Variants in TTN observed in about 807,000 individuals in gnomAD.
TTN encodes the protein connectin.
A neutral mutation model predicts 3,223.0 loss-of-function variants in TTN; 1,525 were observed. The ratio of observed to expected loss-of-function variants is 0.47; its 90% confidence interval spans 0.45 to 0.49. The LOEUF is 0.49. Among genes scored for constraint, TTN ranks in the 20% least tolerant of loss-of-function variants. The pLI is 0.00. For synonymous variants in TTN, 14,094 were observed against 15,161.0 expected (o/e 0.93, Z 5.17); for missense variants, 40,786 against 43,424.0 (o/e 0.94, Z 5.40).
intron 238 of TTN, 124 bp downstream of exon 238, chr2:178,630,680 C>T: frequency 7.1e-7 from 1 of 1,405,450 alleles, no homozygotes; most frequent in Non-Finnish European, 9.7e-7. Flanking sequence ...CTCTCTTTGG[C>T]TTAGGGTCTG....
intron 94 of TTN, 25 bp downstream of exon 94, chr2:178,712,672 A>C (rs1200560980): frequency 6.2e-7 from 1 of 1,608,462 alleles, no homozygotes; most frequent in East Asian, 2.2e-5. Context: ...TAATCGTATA[A>C]ATCTAGAAGA....
chr2:178,580,699 A>G, intron 316 of TTN, 90 bp from the exon 317 acceptor site: 1 of 1,237,712 alleles, frequency 8.1e-7, no homozygotes. Context: ...AAATACATTT[A>G]TTTTCTAGAG....
rs763821900 is a variant in TTN, at chr2:178,720,511, T to C, written c.23251A>G (p.Thr7751Ala). 5 of 1,613,552 alleles carry C rather than the reference T, an allele frequency of 3.1e-6. No homozygotes were observed. Among genetic ancestry groups the C allele is most frequent in the East Asian group, 4.5e-5 (2 of 44,860 alleles). Residue 7751 changes from threonine to alanine, a missense_variant, in exon 80 of 363, where the codon ACT (threonine) becomes GCT (alanine). Thr to Ala is a moderately conservative substitution (Grantham distance 58). Transcript: ENST00000589042. ...AGACTTGTATCAAAATGTTTTGAAG[T>C]GATTTTAAATTTCTTGCTGTTTCTA... ...QVRNSKKFKITSKHFDTSLHI... is the reference protein window; with the variant it reads ...QVRNSKKFKIASKHFDTSLHI...
rs2052542764 is a variant in TTN, at chr2:178,598,948, A to G, written c.56762T>C (p.Leu18921Pro). The G allele has an allele frequency of 1.9e-6, 3 of 1,612,720 alleles. No homozygotes were observed. The highest frequency in any genetic ancestry group is 2.5e-6 in the Non-Finnish European group (3 of 1,179,476). The change falls in exon 291 of 363, where the codon CTG (leucine) becomes CCG (proline). Residue 18921 changes from leucine to proline, a missense_variant. Coordinates refer to ENST00000589042, the MANE Select transcript of TTN (RefSeq NM_001267550.2). ...CTTTGAAGTGGTGTCTTTCATTTCC[A>G]GCCAGTACCCTGTCACAGGAGAGCC... ...DGGSPVTGYW[L>P]EMKDTTSKRW...
Position 178,614,516 on chromosome 2 carries a change from G to A in TTN, c.48998C>T (p.Ala16333Val). ...AGTGGCCCGGCCACACACATTCACA[G>A]CCTCAATGATATATGTGCCAGTGTC... ...RSDTGTYIIE[A>V]VNVCGRATAV... is the part of the protein sequence containing the mutation. Residue 16333 changes from alanine (A) to valine (V), a missense_variant, in exon 261 of 363, where the codon GCT (alanine) becomes GTT (valine). Physicochemically the swap from Ala to Val is moderately conservative, Grantham distance 64 (BLOSUM62 0). Coordinates refer to ENST00000589042, the MANE Select transcript of TTN (RefSeq NM_001267550.2). The A allele has an allele frequency of 1.2e-6, 2 of 1,612,088 alleles. No homozygotes were observed. Among genetic ancestry groups the A allele is most frequent in the Non-Finnish European group, 1.7e-6 (2 of 1,179,038 alleles).
In TTN at chr2:178,724,521, C is replaced by T; in HGVS notation, c.20854G>A (p.Glu6952Lys). Residue 6952 changes from glutamate to lysine, a missense_variant, in exon 72 of 363, where the codon GAG becomes AAG. By Grantham distance (56) the Glu-to-Lys change is moderately conservative. Coordinates refer to ENST00000589042, the MANE Select transcript of TTN (RefSeq NM_001267550.2). ...LMVLEPAVIV[E>K]KAGPMTVTVG... ...GTCACCGTCATCGGTCCTGCCTTCT[C>T]AACAATGACTGCGGGCTCTGAAATA... 2 of 1,596,048 alleles carry T rather than the reference C, an allele frequency of 1.3e-6. No homozygotes were observed. Among genetic ancestry groups the T allele is most frequent in the Non-Finnish European group, 1.7e-6 (2 of 1,168,168 alleles).
chr2:178,544,573 T>C (rs376826940), intron 344 of TTN, 67 bp from the exon 345 acceptor site: 3 of 1,414,108 alleles, frequency 2.1e-6, no homozygotes, highest in African/African-American at 2.8e-5. Context: ...TTGTATTTTT[T>C]GTTTTCAAGA....
At position 178,684,747 on chromosome 2, in the gene TTN, G is replaced by A. The variant is rs201738153; in HGVS notation, c.32557C>T (p.Pro10853Ser). ...KKEKVPPPKV[P>S]EEPKKPVPEK... ...GGAACTGGTTTCTTTGGCTCTTCTG[G>A]CACTTAAAAGATACCAGGCAATACC... is the stretch of plus-strand genomic sequence containing the variant. The change falls in exon 131 of 363, where the codon CCA becomes TCA. Residue 10853 changes from proline (P) to serine (S), a missense_variant and splice_region_variant. Pro to Ser is a moderately conservative substitution (Grantham distance 74, BLOSUM62 -1). Coordinates refer to ENST00000589042, the MANE Select transcript of TTN (RefSeq NM_001267550.2). 2.3e-4 allele frequency: 375 copies of A among 1,613,126 alleles called. No individual in the cohort carries two copies. Among genetic ancestry groups the A allele is most frequent in the Middle Eastern group, 2.3e-3 (14 of 6,060 alleles).
chr2:178,783,134 A>G, intron 17 of TTN, 70 bp from the exon 18 acceptor site: 6 of 1,575,202 alleles, frequency 3.8e-6, no homozygotes, highest in Non-Finnish European at 8.7e-7. Context: ...TTTGTAACAA[A>G]TGTAGAGTTT....
rs753817117 is a variant in TTN at position 178,653,060 on chromosome 2, A to G, written c.38856T>C (p.Pro12952=). 6.2e-7 allele frequency: 1 copy of G among 1,613,248 alleles called. No homozygotes were observed. The highest frequency in any genetic ancestry group is 8.5e-7 in the Non-Finnish European group (1 of 1,179,560). The change falls in exon 199 of 363, where the codon CCT becomes CCC. Residue 12952 remains proline, a synonymous_variant. Coordinates refer to ENST00000589042, the MANE Select transcript of TTN (RefSeq NM_001267550.2). Reference sequence around the variant, plus strand: ...AAATACCTTTAACAGGTGGGACTTCAGGTTTTTTAGGAGGAGTCACTGGCA... The same window carrying G: ...AAATACCTTTAACAGGTGGGACTTCGGGTTTTTTAGGAGGAGTCACTGGCA... ...KKVPVTPPKK[P]EVPPVKVPEA...
intron 218 of TTN, among the ~76,000 whole-genome samples, chr2:178,643,201 T>A (rs895237429): frequency 6.6e-6 from 1 of 152,050 alleles, no homozygotes; most frequent in African/African-American, 2.4e-5. Context: ...ATTAGGAATC[T>A]GAATTTTTAG....
chr2:178,796,332 G>T (rs1427633435), intron 6 of TTN, among the ~76,000 whole-genome samples: 1 of 151,984 alleles, frequency 6.6e-6, no homozygotes, highest in Non-Finnish European at 1.5e-5. Flanking sequence ...AATGCATCTT[G>T]TCACTATCTA....
Position 178,684,190 on chromosome 2 carries a change from C to A in TTN, c.32723-108G>T, listed in dbSNP as rs1455097510. 17 of 1,399,032 alleles carry A rather than the reference C, an allele frequency of 1.2e-5. No individual in the cohort carries two copies. In the African/African-American group the frequency reaches 2.3e-4, roughly 19 times the overall value. 86.7% of individuals were successfully genotyped at this position (1,399,032 alleles called of 1,614,324 possible). A position where few individuals can be genotyped will look rare whatever the true frequency, so the allele number is the denominator to read the frequency against. ...TAAACACTTGACATTTTCATTATTT[C>A]AAACATAAAACAACAACTGTAACAA... On this transcript the variant is annotated intron_variant, in intron 132 of 362. Transcript: ENST00000589042.
At chr2:178,686,211 C>T (rs1167102215) in intron 127 of TTN, among the ~76,000 whole-genome samples, 5 of 142,948 alleles carry the variant, frequency 3.5e-5, no homozygotes, top group Non-Finnish European at 6.0e-5. Context: ...AGCTCCGCCT[C>T]CCGGGTTCAC....
At position 178,722,382 on chromosome 2, in the gene TTN, A is replaced by G. The variant is rs1299411121; in HGVS notation, c.22405T>C (p.Phe7469Leu). 3 of 1,613,474 alleles carry G rather than the reference A, an allele frequency of 1.9e-6. No individual in the cohort carries two copies. The highest frequency in any genetic ancestry group is 2.2e-5 in the South Asian group (2 of 91,062). ...TTTAAAGTTGCCACATTATCTACAA[A>G]TGAAGTCTGTAGATTTTCATCGTCT... ...LRDDENLQTS[F>L]VDNVATLKIL... Residue 7469 changes from phenylalanine to leucine, a missense_variant, in exon 77 of 363, where the codon TTT (phenylalanine) becomes CTT (leucine). Transcript: ENST00000589042.
At position 178,540,231 on chromosome 2, in the gene TTN, A is replaced by G. The variant is rs765709195; in HGVS notation, c.97935T>C (p.His32645=). The change falls in exon 351 of 363, where the codon CAT becomes CAC. Residue 32645 remains histidine, a synonymous_variant. Transcript: ENST00000589042. ...YLIEMQKVDQ[H]EWTKCNTTPT... ...GAGTGGTGTTACACTTGGTCCATTC[A>G]TGTTGATCTACTTTTTGCATTTCAA... is the stretch of plus-strand genomic sequence containing the variant. The G allele has an allele frequency of 2.3e-5, 37 of 1,613,632 alleles. No individual in the cohort carries two copies. Among genetic ancestry groups the G allele is most frequent in the Admixed American group, 6.7e-5 (4 of 59,984 alleles).
intron 49 of TTN, 134 bp from the exon 50 acceptor site, chr2:178,736,208 T>C (rs935922232): frequency 2.5e-6 from 2 of 789,126 alleles, no homozygotes; most frequent in East Asian, 2.7e-5. Context: ...TGGAGTAATG[T>C]GTTAATAAGA....
chr2:178,623,169 C>G (rs1244332193), intron 242 of TTN, among the ~76,000 whole-genome samples: 2 of 151,882 alleles, frequency 1.3e-5, no homozygotes, highest in African/African-American at 4.8e-5. Context: ...TTAGCACAAT[C>G]TTTGAGAAAT....
intron 1 of TTN, among the ~76,000 whole-genome samples, chr2:178,806,235 A>G (rs1001760059): frequency 1.3e-5 from 2 of 152,288 alleles, no homozygotes; most frequent in East Asian, 3.9e-4. Context: ...GTAGCATATT[A>G]TCTTTGGGAT....
Sources: allele counts gnomAD v4.1 joint callset (sites outside exome capture counted in the v4.1 genomes callset), GRCh38; gene constraint gnomAD v4.1.1; transcripts MANE v1.5; gene names NCBI Gene and HGNC (gene_info 2026-07-23, HGNC 2026-07-21).